GREB1L: variants seen among roughly 807,000 people sequenced by gnomAD.
GREB1L encodes GREB1 like retinoic acid receptor coactivator.
GREB1L carries 17 observed loss-of-function variants against 200.8 expected under a neutral mutation model. That is an observed-to-expected ratio of 0.08 (90% confidence interval 0.06 to 0.13). The LOEUF is 0.13. Among genes scored for constraint, GREB1L ranks in the 10% least tolerant of loss-of-function variants. GREB1L has a pLI of 1.00. For synonymous variants in GREB1L, 789 were observed against 893.0 expected, an observed-to-expected ratio of 0.88 and a Z score of 2.08; for missense variants, 1,657 against 2,367.7, an observed-to-expected ratio of 0.70 and a Z score of 6.23.
chr18:21,374,762 G>T (rs1366258057), intron 2 of GREB1L, among the ~76,000 whole-genome samples: 1 of 151,094 alleles, frequency 6.6e-6, no homozygotes, highest in East Asian at 1.9e-4. Flanking sequence ...CAGATAGTTG[G>T]TATTAAAAGA....
chr18:21,456,030 C>G (rs1292239254), intron 15 of GREB1L, among the ~76,000 whole-genome samples: 1 of 151,594 alleles, frequency 6.6e-6, no homozygotes, highest in African/African-American at 2.4e-5. Flanking sequence ...CAGCCTCTTC[C>G]AAGTAGCTGA....
At chr18:21,321,993 A>G (rs952738410) in intron 1 of GREB1L, among the ~76,000 whole-genome samples, 1 of 152,230 alleles carries the variant, frequency 6.6e-6, no homozygotes, top group Non-Finnish European at 1.5e-5. Flanking sequence ...AGCTTGATTT[A>G]TCATCATTGT....
chr18:21,316,260 T>C (rs1450716849), intron 1 of GREB1L, among the ~76,000 whole-genome samples: 1 of 152,132 alleles, frequency 6.6e-6, no homozygotes, highest in African/African-American at 2.4e-5. Flanking sequence ...AGGGTCTCAT[T>C]CTGTCGCCAG....
chr18:21,271,649 CAAAAAA>C (rs1191889292), intron 1 of GREB1L, among the ~76,000 whole-genome samples: 2 of 51,964 alleles, frequency 3.8e-5, no homozygotes, highest in East Asian at 1.1e-3. Flanking sequence ...GACCCTGTCT[CAAAAAA>C]AAAAAAAAAA....
chr18:21,377,494 G>A (rs1393727431), intron 2 of GREB1L, among the ~76,000 whole-genome samples: 1 of 152,130 alleles, frequency 6.6e-6, no homozygotes, highest in African/African-American at 2.4e-5. Flanking sequence ...ATAGCAGAGA[G>A]GTCGGGTACA....
chr18:21,499,870 C>T lies in GREB1L; in HGVS notation c.3533C>T (p.Ala1178Val), dbSNP rs2036703938. The change falls in exon 22 of 33, where the codon GCC becomes GTC. Residue 1178 changes from alanine (A) to valine (V), a missense_variant. This residue lies in a region of GREB1L where 512 missense variants were observed against 668.3 expected (regional missense o/e 0.77). Coordinates refer to ENST00000424526, the MANE Select transcript of GREB1L (RefSeq NM_001142966.3). Reference protein sequence around the residue: ...GVSASSAGAGAGETLKQECDS... With the variant: ...GVSASSAGAGVGETLKQECDS... Reference sequence around the variant, plus strand: ...TCCGCCAGCTCAGCTGGAGCCGGAGCCGGGGAGACTCTGAAGCAGGAATGT... The same window carrying T: ...TCCGCCAGCTCAGCTGGAGCCGGAGTCGGGGAGACTCTGAAGCAGGAATGT... The T allele has an allele frequency of 6.4e-7, 1 of 1,550,632 alleles. No individual in the cohort carries two copies. The highest frequency in any genetic ancestry group is 8.7e-7 in the Non-Finnish European group (1 of 1,146,584).
At chr18:21,303,132 A>G (rs1176619023) in intron 1 of GREB1L, among the ~76,000 whole-genome samples, 2 of 152,212 alleles carry the variant, frequency 1.3e-5, no homozygotes, top group Non-Finnish European at 2.9e-5. Context: ...GCTGGGAGCC[A>G]CCATGCCCAG....
At chr18:21,466,981 G>A (rs982736685) in intron 15 of GREB1L, among the ~76,000 whole-genome samples, 5 of 152,118 alleles carry the variant, frequency 3.3e-5, no homozygotes, top group African/African-American at 1.2e-4. Flanking sequence ...GTTTTGACAA[G>A]GGTGCCAAGA....
intron 28 of GREB1L, among the ~76,000 whole-genome samples, chr18:21,514,442 G>A (rs1397093428): frequency 6.6e-6 from 1 of 152,212 alleles, no homozygotes; most frequent in Non-Finnish European, 1.5e-5. Context: ...TTGAACCCAA[G>A]AGGCAGATGT....
At chr18:21,429,905 T>C (rs1287901782) in intron 7 of GREB1L, among the ~76,000 whole-genome samples, 2 of 152,164 alleles carry the variant, frequency 1.3e-5, no homozygotes, top group Admixed American at 6.5e-5. Context: ...GCAATTTATT[T>C]TCACACGGTC....
At chr18:21,330,220 C>T (rs1010577035) in intron 1 of GREB1L, among the ~76,000 whole-genome samples, 1 of 152,172 alleles carries the variant, frequency 6.6e-6, no homozygotes, top group African/African-American at 2.4e-5. Flanking sequence ...GCAGCACCAA[C>T]GAGCTGCAGC....
At position 21,481,439 on chromosome 18, in the gene GREB1L, A is replaced by ATGTGTGTG. The variant is rs34711292; in HGVS notation, c.2556+4115_2556+4122dup. On this transcript the variant is annotated intron_variant, in intron 17 of 32. Coordinates refer to ENST00000424526, the MANE Select transcript of GREB1L (RefSeq NM_001142966.3). ...GATTTTTGAGCAACAGTATATATGT[A>ATGTGTGTG]TGTGTGTGTGTGTGTGTGTGTGTGT... 2.7e-3 allele frequency among the ~76,000 whole-genome samples: 349 copies of ATGTGTGTG among 127,524 alleles called. 1 individual carries two copies. Among genetic ancestry groups the ATGTGTGTG allele is most frequent in the Non-Finnish European group, 4.5e-3 (274 of 60,420 alleles). 83.7% of individuals were successfully genotyped at this position (127,524 alleles called of 152,430 possible).
At chr18:21,489,966 AG>A (rs1335136592) in intron 18 of GREB1L, 45 bp from the exon 19 acceptor site, 1 of 1,419,764 alleles carries the variant, frequency 7.0e-7, no homozygotes, top group Non-Finnish European at 9.6e-7. Context: ...TGCTGCTCCC[AG>A]CTGGCCCTGC....
At chr18:21,272,490 TA>T (rs1228509969) in intron 1 of GREB1L, among the ~76,000 whole-genome samples, 8 of 152,212 alleles carry the variant, frequency 5.3e-5, no homozygotes, top group Non-Finnish European at 1.0e-4. Flanking sequence ...TTTACAAATG[TA>T]AAAAATGGCT....
intron 15 of GREB1L, among the ~76,000 whole-genome samples, chr18:21,459,954 A>AC (rs1395252420): frequency 1.3e-5 from 2 of 151,154 alleles, no homozygotes; most frequent in East Asian, 2.0e-4. Context: ...AGGCACATTT[A>AC]CCCCCCGCTT....
intron 7 of GREB1L, among the ~76,000 whole-genome samples, chr18:21,407,165 C>T (rs1318279090): frequency 1.3e-5 from 2 of 152,232 alleles, no homozygotes; most frequent in East Asian, 1.9e-4. Context: ...TGAGTCACCG[C>T]ACCTGGCCTT....
At chr18:21,497,652 A>C (rs2036597849) in intron 21 of GREB1L, among the ~76,000 whole-genome samples, 1 of 151,334 alleles carries the variant, frequency 6.6e-6, no homozygotes, top group South Asian at 2.1e-4. Context: ...CTCAAAAAAA[A>C]AGAAAGAAAG....
chr18:21,288,376 G>A (rs1208222388), intron 1 of GREB1L, among the ~76,000 whole-genome samples: 1 of 152,098 alleles, frequency 6.6e-6, no homozygotes, highest in Non-Finnish European at 1.5e-5. Flanking sequence ...GCCACTGCAG[G>A]GCTGTAGCCA....
At chr18:21,410,319 A>G (rs564742659) in intron 7 of GREB1L, among the ~76,000 whole-genome samples, 68 of 152,106 alleles carry the variant, frequency 4.5e-4, no homozygotes, top group Non-Finnish European at 7.8e-4. Flanking sequence ...ATGTCAAATT[A>G]TGTTTTATAA....
Sources: allele counts gnomAD v4.1 joint callset (sites outside exome capture counted in the v4.1 genomes callset), GRCh38; gene constraint gnomAD v4.1.1; regional missense constraint gnomAD v4.1.1; transcripts MANE v1.5; gene names NCBI Gene and HGNC (gene_info 2026-07-23, HGNC 2026-07-21).